The following ADAT2 variants were observed in gnomAD, a reference collection of about 807,000 sequenced individuals.
The protein encoded by ADAT2 is tRNA-specific adenosine-34 deaminase catalytic subunit ADAT2.
In ADAT2, 26 loss-of-function variants were observed where a neutral mutation model predicts 25.9. That is an observed-to-expected ratio of 1.00 (90% CI 0.74 to 1.39). ADAT2 has a LOEUF of 1.39. Ranked by LOEUF, ADAT2 falls within the 40% of genes most tolerant of loss-of-function variation. The probability of loss-of-function intolerance (pLI) is 0.00; values close to 1 mark genes in which losing one functional copy is unlikely to be tolerated. For synonymous variants in ADAT2, 76 were observed against 86.8 expected (o/e 0.88, Z 0.69); for missense variants, 220 against 244.8 (o/e 0.90, Z 0.68).
intron 4 of ADAT2, among the ~76,000 whole-genome samples, chr6:143,431,990 A>C (rs1318804854): frequency 3.3e-5 from 5 of 152,188 alleles, no homozygotes; most frequent in Admixed American, 6.5e-5. Flanking sequence ...TCTGGGGGAA[A>C]TTTCAACATT....
intron 1 of ADAT2, among the ~76,000 whole-genome samples, chr6:143,448,411 A>T (rs1779658230): frequency 6.6e-6 from 1 of 152,224 alleles, no homozygotes; most frequent in Non-Finnish European, 1.5e-5. Context: ...TAATTTAAAA[A>T]AAGTAAATTA....
Position 143,444,408 on chromosome 6 carries a change from C to A in ADAT2, c.97-5714G>T, listed in dbSNP as rs1030556795. 1.3e-5 allele frequency: 2 copies of A among 151,932 alleles called. No homozygotes were observed. The highest frequency in any genetic ancestry group is 4.8e-5 in the African/African-American group (2 of 41,336). 9.4% of individuals were successfully genotyped at this position (151,932 alleles called of 1,614,324 possible). A position where few individuals can be genotyped will look rare whatever the true frequency, so the allele number is the denominator to read the frequency against. On this transcript the variant is annotated intron_variant, in intron 1 of 5. Transcript: ENST00000237283. The surrounding 1 kb of genome is among the most constrained non-coding windows in gnomAD (Gnocchi z 4.3). ...AAGTGAGTTGAGGGGAACTCCTTTA[C>A]AACAATTAACATGTAGATTTGCTTC...
rs1211955081 is a variant in ADAT2, at chr6:143,423,809, T to C, written c.*4654A>G. On this transcript the variant is annotated 3_prime_UTR_variant, in exon 6 of 6. Transcript: ENST00000237283. ...TAGGGGATGAGAAATTTCATAGATA[T>C]TGGGGATGTGGGATTCTCTCTAAAC... is the stretch of plus-strand genomic sequence containing the variant. 1 of 152,156 alleles carries C rather than the reference T, an allele frequency of 6.6e-6. No homozygotes were observed. Among genetic ancestry groups the C allele is most frequent in the South Asian group, 2.1e-4 (1 of 4,818 alleles). 9.4% of individuals were successfully genotyped at this position (152,156 alleles called of 1,614,324 possible). A position where few individuals can be genotyped will look rare whatever the true frequency, so the allele number is the denominator to read the frequency against.
rs941608761 is a variant in ADAT2 at position 143,426,332 on chromosome 6, T to C, written c.*2131A>G. 6.6e-6 allele frequency: 1 copy of C among 152,164 alleles called. No individual in the cohort carries two copies. The highest frequency in any genetic ancestry group is 2.4e-5 in the African/African-American group (1 of 41,440). 9.4% of individuals were successfully genotyped at this position (152,164 alleles called of 1,614,324 possible). A position where few individuals can be genotyped will look rare whatever the true frequency, so the allele number is the denominator to read the frequency against. ...TGTCACTTGGAAATTGCTAGCAGAA[T>C]TCCATAGAGCTAATGTCTATGACAC... On this transcript the variant is annotated 3_prime_UTR_variant, in exon 6 of 6. Transcript: ENST00000237283. The surrounding 1 kb of genome is among the most constrained non-coding windows in gnomAD (Gnocchi z 4.1).
At position 143,440,674 on chromosome 6, in the gene ADAT2, G is replaced by A. The variant is rs1023295809; in HGVS notation, c.97-1980C>T. Among the ~76,000 whole-genome samples the A allele has an allele frequency of 6.6e-6, 1 of 152,148 alleles. No individual in the cohort carries two copies. Among genetic ancestry groups the A allele is most frequent in the Non-Finnish European group, 1.5e-5 (1 of 68,030 alleles). ...AAGTTCAAAAGGCTTGAAGAGTCCC[G>A]AGGTTTGGTTAATATAGACAAATGC... On this transcript the variant is annotated intron_variant, in intron 1 of 5. Coordinates refer to ENST00000237283, the MANE Select transcript of ADAT2 (RefSeq NM_182503.3). The surrounding 1 kb of genome is among the most constrained non-coding windows in gnomAD (Gnocchi z 4.5).
intron 1 of ADAT2, among the ~76,000 whole-genome samples, chr6:143,443,467 G>C (rs896819601): frequency 2.0e-5 from 3 of 152,046 alleles, no homozygotes; most frequent in African/African-American, 7.3e-5. Context: ...GGAGTTCAAG[G>C]CTGTAGTGAG....
At position 143,434,023 on chromosome 6, in the gene ADAT2, T is replaced by C. The variant is rs1779194915; in HGVS notation, c.202-42A>G. ...GCTTGCACTGATGCTGTTTGCTTCA[T>C]GTGACTACTATTTTACAAATATACA... On this transcript the variant is annotated intron_variant, in intron 2 of 5. Transcript: ENST00000237283. This position sits in a 1 kb window ranked among gnomAD's most constrained non-coding sequence, Gnocchi z 4.5. 1.9e-6 allele frequency: 3 copies of C among 1,607,174 alleles called. No homozygotes were observed. Among genetic ancestry groups the C allele is most frequent in the Non-Finnish European group, 2.5e-6 (3 of 1,177,652 alleles).
intron 1 of ADAT2, chr6:143,441,476 T>A (rs1243497982): frequency 1.3e-5 from 2 of 152,424 alleles, no homozygotes; most frequent in Non-Finnish European, 2.9e-5. Context: ...TATCAGCATC[T>A]GCTTCCAGTG....
In ADAT2 at chr6:143,436,599, TG is replaced by T; in HGVS notation, c.201+1990del. Reference sequence around the variant, plus strand: ...AGGGCAAGAATGAGATGGAATTCACTGGGGCCGAGAGCAACATGAATGACCT... The same window carrying T: ...AGGGCAAGAATGAGATGGAATTCACTGGGCCGAGAGCAACATGAATGACCT... On this transcript the variant is annotated intron_variant, in intron 2 of 5. Transcript: ENST00000237283. The surrounding 1 kb of genome is among the most constrained non-coding windows in gnomAD (Gnocchi z 4.1). The T allele has an allele frequency of 2.4e-6, 1 of 410,742 alleles. No homozygotes were observed. Among genetic ancestry groups the T allele is most frequent in the Non-Finnish European group, 4.9e-6 (1 of 202,162 alleles). 25.4% of individuals were successfully genotyped at this position (410,742 alleles called of 1,614,324 possible).
At position 143,424,034 on chromosome 6, in the gene ADAT2, G is replaced by A. The variant is rs965808613; in HGVS notation, c.*4429C>T. 37 of 152,092 alleles carry A rather than the reference G, an allele frequency of 2.4e-4. No homozygotes were observed. The highest frequency in any genetic ancestry group is 8.9e-4 in the African/African-American group (37 of 41,400). 9.4% of individuals were successfully genotyped at this position (152,092 alleles called of 1,614,324 possible). ...CAACCCAATATCCACTTAGAAATCA[G>A]GTGATAAATAGTCACGAGCCTGTTT... On this transcript the variant is annotated 3_prime_UTR_variant, in exon 6 of 6. Coordinates refer to ENST00000237283, the MANE Select transcript of ADAT2 (RefSeq NM_182503.3). This position sits in a 1 kb window ranked among gnomAD's most constrained non-coding sequence, Gnocchi z 4.8.
At chr6:143,445,817 C>T (rs574206331) in intron 1 of ADAT2, among the ~76,000 whole-genome samples, 3 of 152,180 alleles carry the variant, frequency 2.0e-5, no homozygotes, top group African/African-American at 7.2e-5. Context: ...TTAATCATAC[C>T]ACATTTGTTG....
At chr6:143,441,615 A>G (rs185619191) in intron 1 of ADAT2, 1 of 152,282 alleles carries the variant, frequency 6.6e-6, no homozygotes, top group Admixed American at 6.5e-5. Context: ...TTGCCACTAT[A>G]AAAATGATTT....
At chr6:143,439,920 A>G (rs887094778) in intron 1 of ADAT2, among the ~76,000 whole-genome samples, 2 of 152,178 alleles carry the variant, frequency 1.3e-5, no homozygotes, top group African/African-American at 4.8e-5. Context: ...TGGCAAACCA[A>G]TTATTATATT....
In ADAT2 at chr6:143,428,423, A is replaced by G. The variant is rs1299602764; in HGVS notation, c.*40T>C. 1 of 1,601,748 alleles carries G rather than the reference A, an allele frequency of 6.2e-7. No homozygotes were observed. The highest frequency in any genetic ancestry group is 1.7e-5 in the Admixed American group (1 of 59,338). ...AGCTTTCAGTCTATGAATCTTGTCC[A>G]GGTCACTTTGGGTCACTTGGTTCTT... On this transcript the variant is annotated 3_prime_UTR_variant, in exon 6 of 6. Coordinates refer to ENST00000237283, the MANE Select transcript of ADAT2 (RefSeq NM_182503.3). This position sits in a 1 kb window ranked among gnomAD's most constrained non-coding sequence, Gnocchi z 5.0.
chr6:143,442,511 G>A lies in ADAT2; in HGVS notation c.97-3817C>T, dbSNP rs919829283. 3.1e-4 allele frequency among the ~76,000 whole-genome samples: 25 copies of A among 80,260 alleles called. No homozygotes were observed. Among genetic ancestry groups the A allele is most frequent in the Admixed American group, 5.8e-4 (4 of 6,902 alleles). The allele number at this position is 80,260 out of a possible 152,430, so 52.7% of individuals were successfully genotyped here. On this transcript the variant is annotated intron_variant, in intron 1 of 5. Coordinates refer to ENST00000237283, the MANE Select transcript of ADAT2 (RefSeq NM_182503.3). The surrounding 1 kb of genome is among the most constrained non-coding windows in gnomAD (Gnocchi z 4.6). ...CACACACACACACACACACACACAC[G>A]TACAAATAAAACTGATGACATCTTA...
intron 1 of ADAT2, among the ~76,000 whole-genome samples, chr6:143,445,837 CTG>C (rs751572461): frequency 2.6e-5 from 4 of 152,108 alleles, no homozygotes; most frequent in Non-Finnish European, 5.9e-5. Context: ...GAAATGGTGT[CTG>C]TGGTGTTTGC....
chr6:143,449,093 T>C (rs1278156136), intron 1 of ADAT2, among the ~76,000 whole-genome samples: 1 of 151,976 alleles, frequency 6.6e-6, no homozygotes, highest in African/African-American at 2.4e-5. Context: ...GTCTCCCAGG[T>C]TGGAGTACAG....
intron 1 of ADAT2, among the ~76,000 whole-genome samples, chr6:143,438,961 G>C (rs1041831920): frequency 9.9e-5 from 15 of 152,196 alleles, no homozygotes; most frequent in Non-Finnish European, 2.9e-5. Context: ...GTGATCAAAG[G>C]AGACTGTGAC....
At chr6:143,447,591 T>C (rs1168159068) in intron 1 of ADAT2, among the ~76,000 whole-genome samples, 1 of 152,216 alleles carries the variant, frequency 6.6e-6, no homozygotes, top group Non-Finnish European at 1.5e-5. Flanking sequence ...TTTACATAAT[T>C]TGTTAACCCT....
Sources: gnomAD v4.1 joint callset for allele counts (sites outside exome capture counted in the v4.1 genomes callset) on GRCh38, gnomAD v4.1.1 for gene constraint, Gnocchi (gnomAD v3.1) non-coding constraint, MANE v1.5 for transcripts, NCBI Gene and HGNC (gene_info 2026-07-23, HGNC 2026-07-21) for gene names.